Variants in ZNF385D observed in about 807,000 individuals in gnomAD.
ZNF385D encodes zinc finger protein 659.
A neutral mutation model predicts 35.8 loss-of-function variants in ZNF385D; 15 were observed. The observed-to-expected ratio is 0.42, with a 90% CI of 0.28 to 0.64. ZNF385D has a LOEUF of 0.64. Ranked by LOEUF, ZNF385D falls within the 30% of genes least tolerant of loss-of-function variation. ZNF385D has a pLI of 0.23. For synonymous variants in ZNF385D, 212 were observed against 186.8 expected (o/e 1.13, Z -1.10); for missense variants, 474 against 494.6 (o/e 0.96, Z 0.39).
chr3:22,034,602 A>C (rs1455256391), intron 3 of ZNF385D, among the ~76,000 whole-genome samples: 3 of 152,230 alleles, frequency 2.0e-5, no homozygotes, highest in Non-Finnish European at 4.4e-5. Context: ...TATTTAAGAC[A>C]TTGTACAACA....
At chr3:21,527,800 G>A (rs998738359) in intron 3 of ZNF385D, among the ~76,000 whole-genome samples, 1 of 152,040 alleles carries the variant, frequency 6.6e-6, no homozygotes, top group African/African-American at 2.4e-5. Flanking sequence ...CTAGCTTAGG[G>A]CATATTTGTC....
intron 3 of ZNF385D, among the ~76,000 whole-genome samples, chr3:22,069,884 T>G (rs1359358472): frequency 6.6e-6 from 1 of 152,200 alleles, no homozygotes; most frequent in East Asian, 1.9e-4. Context: ...TGTCTCCTTT[T>G]GCTTTACTGC....
At chr3:21,829,264 G>T (rs754450405) in intron 3 of ZNF385D, among the ~76,000 whole-genome samples, 4 of 152,168 alleles carry the variant, frequency 2.6e-5, no homozygotes, top group Non-Finnish European at 4.4e-5. Context: ...GTATGGGAAG[G>T]AGTGGCTATT....
At chr3:22,354,450 A>C (rs1696058807) in intron 2 of ZNF385D, among the ~76,000 whole-genome samples, 1 of 152,138 alleles carries the variant, frequency 6.6e-6, no homozygotes, top group Admixed American at 6.6e-5. Context: ...GACACAGTCA[A>C]ATACCTTATA....
chr3:21,633,453 AAG>A (rs2125840166), intron 2 of ZNF385D, among the ~76,000 whole-genome samples: 1 of 152,240 alleles, frequency 6.6e-6, no homozygotes, highest in Admixed American at 6.6e-5. Flanking sequence ...ACAAGAAAGA[AAG>A]AGCAAAGAAG....
chr3:22,249,403 A>G (rs1699955384), intron 2 of ZNF385D, among the ~76,000 whole-genome samples: 1 of 152,186 alleles, frequency 6.6e-6, no homozygotes, highest in South Asian at 2.1e-4. Context: ...GAAATGTCAT[A>G]ATACTCAATA....
At chr3:22,191,346 G>C (rs1010949898) in intron 2 of ZNF385D, among the ~76,000 whole-genome samples, 3 of 151,938 alleles carry the variant, frequency 2.0e-5, no homozygotes, top group Non-Finnish European at 4.4e-5. Flanking sequence ...AATTAGCCGC[G>C]CATGGTGGTG....
intron 1 of ZNF385D, among the ~76,000 whole-genome samples, chr3:21,734,695 G>T (rs994513011): frequency 7.2e-5 from 11 of 152,066 alleles, no homozygotes; most frequent in Non-Finnish European, 1.5e-4. Context: ...CCAAAACCTG[G>T]GCTGCACTGA....
intron 2 of ZNF385D, among the ~76,000 whole-genome samples, chr3:22,247,654 GTCTC>G (rs563640631): frequency 7.2e-6 from 1 of 138,848 alleles, no homozygotes; most frequent in Non-Finnish European, 1.5e-5. Context: ...TTGAGATGGA[GTCTC>G]TCTCTCTGTC....
intron 1 of ZNF385D, among the ~76,000 whole-genome samples, chr3:21,705,402 T>G (rs1347869397): frequency 6.6e-6 from 1 of 152,234 alleles, no homozygotes; most frequent in Admixed American, 6.5e-5. Flanking sequence ...AAGAATGTTT[T>G]CTTATAGAAG....
At chr3:22,113,468 C>T (rs1344327026) in intron 3 of ZNF385D, among the ~76,000 whole-genome samples, 1 of 152,022 alleles carries the variant, frequency 6.6e-6, no homozygotes, top group Non-Finnish European at 1.5e-5. Context: ...AATTGATGAA[C>T]TTAGCTAACC....
At chr3:21,810,116 C>T (rs2072846495) in intron 3 of ZNF385D, among the ~76,000 whole-genome samples, 1 of 152,176 alleles carries the variant, frequency 6.6e-6, no homozygotes, top group East Asian at 1.9e-4. Context: ...CAATATACCT[C>T]ATGAAAACTG....
chr3:22,303,099 A>G (rs1251394664), intron 2 of ZNF385D, among the ~76,000 whole-genome samples: 1 of 152,162 alleles, frequency 6.6e-6, no homozygotes, highest in Non-Finnish European at 1.5e-5. Flanking sequence ...ATTATCAAGA[A>G]ACTGCCATTT....
At chr3:21,950,784 C>T (rs758182862) in intron 3 of ZNF385D, among the ~76,000 whole-genome samples, 2 of 151,786 alleles carry the variant, frequency 1.3e-5, no homozygotes, top group Non-Finnish European at 2.9e-5. Flanking sequence ...GTTTTCCCAA[C>T]ACCACTTATT....
At chr3:21,760,759 C>T (rs7637596) in intron 3 of ZNF385D, among the ~76,000 whole-genome samples, 127,263 of 152,204 alleles carry the variant, frequency 0.84, 53,383 homozygotes, top group East Asian at 0.98. Context: ...TAGAAAGCAG[C>T]TTAGCAAAAA....
intron 2 of ZNF385D, among the ~76,000 whole-genome samples, chr3:22,190,168 T>A (rs923098276): frequency 6.6e-6 from 1 of 152,162 alleles, no homozygotes; most frequent in African/African-American, 2.4e-5. Flanking sequence ...TCTAAAACAA[T>A]TACTTGTGGG....
At chr3:21,714,016 C>A (rs1037851157) in intron 1 of ZNF385D, among the ~76,000 whole-genome samples, 1 of 152,066 alleles carries the variant, frequency 6.6e-6, no homozygotes, top group Admixed American at 6.6e-5. Context: ...ATAATAACAC[C>A]CACGCACACA....
At chr3:22,215,646 T>A (rs1217982993) in intron 2 of ZNF385D, among the ~76,000 whole-genome samples, 1 of 152,122 alleles carries the variant, frequency 6.6e-6, no homozygotes, top group African/African-American at 2.4e-5. Context: ...TTAGCAATTT[T>A]AATTTTGCCC....
At chr3:21,733,467 T>G (rs1253410809) in intron 1 of ZNF385D, among the ~76,000 whole-genome samples, 1 of 152,220 alleles carries the variant, frequency 6.6e-6, no homozygotes, top group Non-Finnish European at 1.5e-5. Flanking sequence ...TTGATTCTTA[T>G]AAGCTCTTTG....
Sources: gnomAD v4.1 joint callset for allele counts (sites outside exome capture counted in the v4.1 genomes callset) on GRCh38, gnomAD v4.1.1 for gene constraint, MANE v1.5 for transcripts, NCBI Gene and HGNC (gene_info 2026-07-23, HGNC 2026-07-21) for gene names.